Variants in EXTL3 observed in about 807,000 individuals in gnomAD.
The protein encoded by EXTL3 is exostosin like glycosyltransferase 3.
EXTL3 carries 27 observed loss-of-function variants against 69.3 expected under a neutral mutation model. The observed-to-expected ratio is 0.39, with a 90% confidence interval of 0.29 to 0.54. The LOEUF (loss-of-function observed/expected upper bound fraction) is 0.54, where lower values mean the gene tolerates loss of function less well. Among genes scored for constraint, EXTL3 ranks in the 20% least tolerant of loss-of-function variants. EXTL3 has a pLI of 0.69. For missense variants in EXTL3, 1,003 were observed against 1,231.8 expected (o/e 0.81, Z 2.78); for synonymous variants, 511 against 499.4 (o/e 1.02, Z -0.31).
intron 1 of EXTL3, among the ~76,000 whole-genome samples, chr8:28,650,439 C>T (rs1195327541): frequency 6.6e-6 from 1 of 151,930 alleles, no homozygotes; most frequent in Admixed American, 6.6e-5. Flanking sequence ...CTCACTGCAA[C>T]CTCTGCCTCC....
intron 1 of EXTL3, among the ~76,000 whole-genome samples, chr8:28,652,903 G>A (rs567166207): frequency 1.3e-5 from 2 of 152,218 alleles, no homozygotes; most frequent in South Asian, 4.1e-4. Flanking sequence ...GCAAAACTGA[G>A]CAGAAAGTAG....
intron 3 of EXTL3, 129 bp downstream of exon 3, chr8:28,718,336 A>G (rs1021683003): frequency 1.1e-6 from 1 of 923,174 alleles, no homozygotes; most frequent in Non-Finnish European, 1.7e-6. Context: ...CTCATGAAAA[A>G]CCTGTATAGA....
intron 1 of EXTL3, among the ~76,000 whole-genome samples, chr8:28,653,649 A>G (rs992395099): frequency 2.0e-5 from 3 of 151,892 alleles, no homozygotes; most frequent in Non-Finnish European, 2.9e-5. Context: ...TGGCCTTGAC[A>G]CTCTTGCTGA....
intron 1 of EXTL3, among the ~76,000 whole-genome samples, chr8:28,628,764 C>T (rs1806531111): frequency 6.6e-6 from 1 of 152,156 alleles, no homozygotes; most frequent in African/African-American, 2.4e-5. Context: ...AGCAATTCTC[C>T]TGCCTCAGCC....
At chr8:28,696,797 T>A (rs1458067250), upstream of EXTL3, 2 of 152,244 alleles carry the variant, frequency 1.3e-5, no homozygotes, top group Non-Finnish European at 2.9e-5. Context: ...TGACCTCAAG[T>A]GATCTGCCGG....
intron 5 of EXTL3, 191 bp from the exon 6 acceptor site, chr8:28,742,895 G>A: frequency 7.6e-6 from 5 of 661,254 alleles, no homozygotes; most frequent in Non-Finnish European, 1.4e-5. Flanking sequence ...AGTTTGAATG[G>A]GATAATTCCT....
intron 6 of EXTL3, among the ~76,000 whole-genome samples, chr8:28,745,834 A>G (rs2130797786): frequency 6.6e-6 from 1 of 152,370 alleles, no homozygotes; most frequent in South Asian, 2.1e-4. Flanking sequence ...GAAGTAATTT[A>G]GACATGGTGC....
intron 1 of EXTL3, among the ~76,000 whole-genome samples, chr8:28,650,480 C>T (rs891106535): frequency 1.3e-5 from 2 of 151,892 alleles, no homozygotes; most frequent in African/African-American, 4.8e-5. Context: ...GCCTCAGCCT[C>T]CCGAGCAGCT....
At chr8:28,728,258 G>A (rs1801455572) in intron 3 of EXTL3, among the ~76,000 whole-genome samples, 1 of 152,214 alleles carries the variant, frequency 6.6e-6, no homozygotes, top group Non-Finnish European at 1.5e-5. Context: ...TGCCATTCAA[G>A]TCCGGCCCCT....
In EXTL3 at chr8:28,650,615, C is replaced by A. The variant is rs183848239; in HGVS notation, c.-53+27805C>A. Among the ~76,000 whole-genome samples the A allele has an allele frequency of 2.1e-3, 315 of 152,188 alleles. 6 individuals carry two copies. The highest frequency in any genetic ancestry group is 1.9e-4 in the Non-Finnish European group (13 of 67,996). The stretch of plus-strand genomic sequence containing the variant: ...CTTGTGATCTGCTCACCTCAGCCTC[C>A]CAAAGTGCTGGGATTACAGGCATGA... On this transcript the variant is annotated intron_variant, in intron 1 of 6. Coordinates refer to the EXTL3 transcript ENST00000523149.
At position 28,638,886 on chromosome 8, in the gene EXTL3, G is replaced by C. The variant is rs374395093; in HGVS notation, c.-53+16076G>C. Among the ~76,000 whole-genome samples the C allele has an allele frequency of 2.2e-3, 336 of 151,450 alleles. 2 individuals carry two copies. The highest frequency in any genetic ancestry group is 7.8e-3 in the African/African-American group (323 of 41,208). ...CGTCAGGTGATCCGCCCACCTCAAC[G>C]TCCCAAAATACTGGGATTACAGGTG... On this transcript the variant is annotated intron_variant, in intron 1 of 6. Coordinates refer to the EXTL3 transcript ENST00000523149.
chr8:28,726,879 CTTTTTT>C (rs11458194), intron 3 of EXTL3, among the ~76,000 whole-genome samples: 5 of 99,946 alleles, frequency 5.0e-5, no homozygotes, highest in Admixed American at 1.1e-4. Context: ...CTTTTCTTTT[CTTTTTT>C]TTTTTTTTTT....
chr8:28,675,842 T>G (rs1276471176), intron 1 of EXTL3, among the ~76,000 whole-genome samples: 1 of 151,924 alleles, frequency 6.6e-6, no homozygotes, highest in Non-Finnish European at 1.5e-5. Context: ...ACCAACATGG[T>G]GAAACCCCAT....
chr8:28,692,530 G>A (rs1182090536), intron 1 of EXTL3, among the ~76,000 whole-genome samples: 2 of 152,072 alleles, frequency 1.3e-5, no homozygotes, highest in Middle Eastern at 6.3e-3. Flanking sequence ...AATTCCTGTG[G>A]TGGAAACTAC....
intron 1 of EXTL3, among the ~76,000 whole-genome samples, chr8:28,651,682 TA>T (rs1273895448): frequency 1.3e-5 from 2 of 152,154 alleles, no homozygotes; most frequent in Non-Finnish European, 2.9e-5. Flanking sequence ...ACTTTTCTCT[TA>T]AAAAATGTGT....
intron 1 of EXTL3, among the ~76,000 whole-genome samples, chr8:28,664,096 G>T (rs1214826717): frequency 1.3e-5 from 2 of 152,244 alleles, no homozygotes; most frequent in African/African-American, 4.8e-5. Context: ...ACAGGCAGTG[G>T]GTTACAGAAT....
At chr8:28,628,405 C>T (rs895772902) in intron 1 of EXTL3, among the ~76,000 whole-genome samples, 4 of 152,102 alleles carry the variant, frequency 2.6e-5, no homozygotes, top group Non-Finnish European at 1.5e-5. Context: ...CAGGGTGGCT[C>T]ACGCCTGTAA....
At chr8:28,630,425 A>G (rs1806555691) in intron 1 of EXTL3, among the ~76,000 whole-genome samples, 1 of 152,082 alleles carries the variant, frequency 6.6e-6, no homozygotes, top group African/African-American at 2.4e-5. Context: ...CTAACCCACT[A>G]TTTGTATCTG....
intron 1 of EXTL3, among the ~76,000 whole-genome samples, chr8:28,649,815 C>T (rs1354332698): frequency 6.6e-6 from 1 of 152,008 alleles, no homozygotes; most frequent in Non-Finnish European, 1.5e-5. Context: ...ATCATGTATA[C>T]ATTATTCTAT....
Sources: allele counts gnomAD v4.1 joint callset (sites outside exome capture counted in the v4.1 genomes callset), GRCh38; gene constraint gnomAD v4.1.1; transcripts MANE v1.5; gene names NCBI Gene and HGNC (gene_info 2026-07-23, HGNC 2026-07-21).